Variants in GALNT18 observed in about 807,000 individuals in gnomAD.
GALNT18 encodes GalNAc-transferase 18.
In GALNT18, 44 loss-of-function variants were observed where a neutral mutation model predicts 69.5. The ratio of observed to expected loss-of-function variants is 0.63; its 90% CI spans 0.50 to 0.81. The LOEUF is 0.81. GALNT18 is among the 40% of genes least tolerant of loss of function. The pLI is 0.00. For missense variants in GALNT18, 715 were observed against 810.0 expected, an observed-to-expected ratio of 0.88 and a Z score of 1.42; for synonymous variants, 364 against 318.2, an observed-to-expected ratio of 1.14 and a Z score of -1.53.
At chr11:11,467,585 C>T (rs1196163960) in intron 1 of GALNT18, among the ~76,000 whole-genome samples, 1 of 152,218 alleles carries the variant, frequency 6.6e-6, no homozygotes, top group Non-Finnish European at 1.5e-5. Flanking sequence ...GAGACACGCC[C>T]ACACGCTCAT....
At position 11,591,694 on chromosome 11, in the gene GALNT18, T is replaced by C. The variant is rs769908299; in HGVS notation, c.235+29665A>G. 6.6e-6 allele frequency among the ~76,000 whole-genome samples: 1 copy of C among 152,230 alleles called. No homozygotes were observed. The highest frequency in any genetic ancestry group is 1.5e-5 in the Non-Finnish European group (1 of 68,042). The stretch of plus-strand genomic sequence containing the variant: ...TGGTTAAAGGAGGCTGAGATAGTAA[T>C]AGAAGTGCATTTTCTTTAGTGCCAG... On this transcript the variant is annotated intron_variant, in intron 1 of 10. Coordinates refer to ENST00000227756, the MANE Select transcript of GALNT18 (RefSeq NM_198516.3). The surrounding 1 kb of genome is among the most constrained non-coding windows in gnomAD (Gnocchi z 4.8).
chr11:11,311,997 C>T (rs8181554), intron 9 of GALNT18, among the ~76,000 whole-genome samples: 66,706 of 152,032 alleles, frequency 0.44, 14,676 homozygotes, highest in Admixed American at 0.48. Flanking sequence ...CGCTCTGTTG[C>T]CCAGGCTGGA....
At chr11:11,354,979 T>C (rs1033226241) in intron 6 of GALNT18, among the ~76,000 whole-genome samples, 13 of 152,122 alleles carry the variant, frequency 8.5e-5, no homozygotes, top group Non-Finnish European at 1.8e-4. Context: ...CTCCTAAATA[T>C]AGCTTGAATT....
rs117801250 is a variant in GALNT18, at chr11:11,573,186, A to T, written c.235+48173T>A. ...CAGCGCCCCTCCAGAGAGCATGTTC[A>T]TGTTCATTATGGTGGGCGGCCTTGA... On this transcript the variant is annotated intron_variant, in intron 1 of 10. Coordinates refer to ENST00000227756, the MANE Select transcript of GALNT18 (RefSeq NM_198516.3). This position sits in a 1 kb window ranked among gnomAD's most constrained non-coding sequence, Gnocchi z 4.6. 6.6e-6 allele frequency among the ~76,000 whole-genome samples: 1 copy of T among 152,188 alleles called. No individual in the cohort carries two copies. Among genetic ancestry groups the T allele is most frequent in the Non-Finnish European group, 1.5e-5 (1 of 68,032 alleles).
rs529953295 is a variant in GALNT18, at chr11:11,430,314, C to G, written c.595+2307G>C. The stretch of plus-strand genomic sequence containing the variant: ...TCATATGCCCCTCACCCAGTATTCC[C>G]CAATGGTAACATTGTACACAACCAC... On this transcript the variant is annotated intron_variant, in intron 3 of 10. Transcript: ENST00000227756. This position sits in a 1 kb window ranked among gnomAD's most constrained non-coding sequence, Gnocchi z 4.9. Among the ~76,000 whole-genome samples, 1 of 152,166 alleles carries G rather than the reference C, an allele frequency of 6.6e-6. No individual in the cohort carries two copies. The highest frequency in any genetic ancestry group is 1.5e-5 in the Non-Finnish European group (1 of 68,028).
intron 1 of GALNT18, among the ~76,000 whole-genome samples, chr11:11,561,579 T>C (rs1440899324): frequency 1.3e-5 from 2 of 152,140 alleles, no homozygotes; most frequent in African/African-American, 4.8e-5. Context: ...AAAAAACAGA[T>C]GTCAAGGAAA....
At chr11:11,326,468 G>A (rs1461947393) in intron 9 of GALNT18, among the ~76,000 whole-genome samples, 1 of 152,174 alleles carries the variant, frequency 6.6e-6, no homozygotes, top group Non-Finnish European at 1.5e-5. Context: ...TTTGTTCAAC[G>A]AACCATTTAT....
At position 11,584,508 on chromosome 11, in the gene GALNT18, G is replaced by A. The variant is rs1234559738; in HGVS notation, c.235+36851C>T. Among the ~76,000 whole-genome samples the A allele has an allele frequency of 6.6e-6, 1 of 152,138 alleles. No homozygotes were observed. The highest frequency in any genetic ancestry group is 1.5e-5 in the Non-Finnish European group (1 of 68,034). ...CAGTGAATGATGGAGGCAGAGCTCAGAGAAGCACGTCTGAACACGTAAGGA... is the reference window on the plus strand; with the variant it reads ...CAGTGAATGATGGAGGCAGAGCTCAAAGAAGCACGTCTGAACACGTAAGGA... On this transcript the variant is annotated intron_variant, in intron 1 of 10. Transcript: ENST00000227756. This position sits in a 1 kb window ranked among gnomAD's most constrained non-coding sequence, Gnocchi z 4.1.
Position 11,396,583 on chromosome 11 carries a change from A to T in GALNT18, c.596-17319T>A, listed in dbSNP as rs979000392. Among the ~76,000 whole-genome samples, 1 of 152,142 alleles carries T rather than the reference A, an allele frequency of 6.6e-6. No homozygotes were observed. The highest frequency in any genetic ancestry group is 2.4e-5 in the African/African-American group (1 of 41,434). On this transcript the variant is annotated intron_variant, in intron 3 of 10. Coordinates refer to ENST00000227756, the MANE Select transcript of GALNT18 (RefSeq NM_198516.3). This position sits in a 1 kb window ranked among gnomAD's most constrained non-coding sequence, Gnocchi z 5.2. ...AAGAAAATGGAAGCCAAGCGTGGGG[A>T]TGATCTCATGGCAATTGCAAAGATT...
intron 10 of GALNT18, among the ~76,000 whole-genome samples, chr11:11,287,893 G>A (rs916689180): frequency 3.3e-5 from 5 of 152,218 alleles, no homozygotes; most frequent in Admixed American, 3.3e-4. Flanking sequence ...TCCACTGCCC[G>A]ACTACCATCA....
At chr11:11,366,887 G>C (rs1850784260) in intron 6 of GALNT18, among the ~76,000 whole-genome samples, 2 of 152,208 alleles carry the variant, frequency 1.3e-5, no homozygotes, top group Non-Finnish European at 2.9e-5. Context: ...AAAAAACCTA[G>C]GAGAGGGGAT....
At chr11:11,281,651 C>T (rs1849077228) in intron 10 of GALNT18, among the ~76,000 whole-genome samples, 1 of 152,124 alleles carries the variant, frequency 6.6e-6, no homozygotes. Flanking sequence ...AAGGCAGGAG[C>T]AGAGGTTTCT....
At chr11:11,358,401 C>A (rs1367638580) in intron 6 of GALNT18, among the ~76,000 whole-genome samples, 1 of 140,280 alleles carries the variant, frequency 7.1e-6, no homozygotes, top group East Asian at 1.9e-4. Context: ...CTTCTCTAGC[C>A]AATGGCACCC....
chr11:11,581,216 C>G (rs1340923839), intron 1 of GALNT18, among the ~76,000 whole-genome samples: 1 of 152,164 alleles, frequency 6.6e-6, no homozygotes, highest in East Asian at 1.9e-4. Context: ...ACAGCACTGT[C>G]CATGCTGGTG....
At chr11:11,561,568 T>G (rs1858507743) in intron 1 of GALNT18, among the ~76,000 whole-genome samples, 1 of 152,194 alleles carries the variant, frequency 6.6e-6, no homozygotes, top group Non-Finnish European at 1.5e-5. Flanking sequence ...CAGAGTCAGC[T>G]AAAAAACAGA....
At chr11:11,575,499 C>G (rs1360146493) in intron 1 of GALNT18, among the ~76,000 whole-genome samples, 1 of 152,234 alleles carries the variant, frequency 6.6e-6, no homozygotes, top group Non-Finnish European at 1.5e-5. Context: ...GGATGTGAGC[C>G]TGCAGGTTCT....
At chr11:11,545,835 C>G (rs984233886) in intron 1 of GALNT18, among the ~76,000 whole-genome samples, 1 of 152,170 alleles carries the variant, frequency 6.6e-6, no homozygotes, top group African/African-American at 2.4e-5. Context: ...AAATGCAGTG[C>G]CCAAGGGAAG....
chr11:11,282,662 G>A lies in GALNT18; in HGVS notation c.1677+10367C>T, dbSNP rs1294875736. On this transcript the variant is annotated intron_variant, in intron 10 of 10. Transcript: ENST00000227756. ...GAGCTGGTGGTGCCCCAATGCCTAG[G>A]GTGGAGAAGGATCACCTCAACGAGC... Among the ~76,000 whole-genome samples the A allele has an allele frequency of 4.6e-5, 7 of 152,140 alleles. No individual in the cohort carries two copies. The East Asian group carries it at 1.4e-3, about 29-fold the overall frequency.
intron 3 of GALNT18, among the ~76,000 whole-genome samples, chr11:11,403,415 G>A (rs1204804947): frequency 6.6e-6 from 1 of 152,218 alleles, no homozygotes; most frequent in Non-Finnish European, 1.5e-5. Context: ...GGTTCCAAGT[G>A]TTTGCCCAGG....
Sources: gnomAD v4.1 joint callset for allele counts (sites outside exome capture counted in the v4.1 genomes callset) on GRCh38, gnomAD v4.1.1 for gene constraint, Gnocchi (gnomAD v3.1) non-coding constraint, MANE v1.5 for transcripts, NCBI Gene and HGNC (gene_info 2026-07-23, HGNC 2026-07-21) for gene names.